FADS2: variants seen among roughly 807,000 people sequenced by gnomAD.
FADS2 encodes the protein fatty acid desaturase 2, also known as acyl-CoA 6-desaturase.
Under a neutral mutation model 61.2 loss-of-function variants are expected in FADS2, and 18 were observed. The ratio of observed to expected loss-of-function variants is 0.29; its 90% CI spans 0.20 to 0.44. FADS2 has a LOEUF of 0.44. Among genes scored for constraint, FADS2 ranks in the 20% least tolerant of loss-of-function variants. FADS2 has a pLI of 1.00. For synonymous variants in FADS2, 203 were observed against 223.9 expected (o/e 0.91, Z 0.83); for missense variants, 322 against 572.7 (o/e 0.56, Z 4.47).
chr11:61,856,211 T>G (rs899615152), intron 5 of FADS2: 4 of 152,172 alleles, frequency 2.6e-5, no homozygotes, highest in African/African-American at 4.8e-5. Context: ...AGGGATCCCC[T>G]GGGGCCGTGG....
At chr11:61,820,662 G>T (rs1180775271) in intron 1 of FADS2, among the ~76,000 whole-genome samples, 5 of 152,172 alleles carry the variant, frequency 3.3e-5, no homozygotes, top group Admixed American at 2.6e-4. Context: ...CACTTTGGGA[G>T]GGTGAGGAGG....
At chr11:61,821,075 A>G (rs892811919) in intron 1 of FADS2, among the ~76,000 whole-genome samples, 6 of 152,218 alleles carry the variant, frequency 3.9e-5, no homozygotes, top group African/African-American at 1.2e-4. Context: ...GGTCAACTAA[A>G]GGAAACCTTT....
Position 61,848,254 on chromosome 11 carries a change from G to C in FADS2, c.714G>C (p.Val238=), listed in dbSNP as rs1258036120. 1 of 1,614,096 alleles carries C rather than the reference G, an allele frequency of 6.2e-7. No homozygotes were observed. The highest frequency in any genetic ancestry group is 1.7e-5 in the Admixed American group (1 of 60,004). The change falls in exon 5 of 12, where the codon GTG becomes GTC. Residue 238 remains valine (V), a synonymous_variant. Coordinates refer to ENST00000278840, the MANE Select transcript of FADS2 (RefSeq NM_004265.4). ...ATCCCGATGTGAACATGCTGCACGTGTTTGTTCTGGGCGAATGGCAGCCCA... is the reference window on the plus strand; with the variant it reads ...ATCCCGATGTGAACATGCTGCACGTCTTTGTTCTGGGCGAATGGCAGCCCA... ...HKDPDVNMLH[V]FVLGEWQPIE...
At chr11:61,829,810 G>A (rs939327579) in intron 1 of FADS2, among the ~76,000 whole-genome samples, 2 of 152,154 alleles carry the variant, frequency 1.3e-5, no homozygotes, top group African/African-American at 4.8e-5. Flanking sequence ...AGCTGTGTAG[G>A]CCCGACCCTT....
Position 61,851,188 on chromosome 11 carries a change from C to G in FADS2, c.744+2904C>G, listed in dbSNP as rs114768846. Reference sequence around the variant, plus strand: ...TAAGTGGGGACAAAGGCTTCATTTTCTCGGCGAGGCTTTGTAATGTAGAGC... The same window carrying G: ...TAAGTGGGGACAAAGGCTTCATTTTGTCGGCGAGGCTTTGTAATGTAGAGC... On this transcript the variant is annotated intron_variant, in intron 5 of 11. Transcript: ENST00000278840. 7.3e-4 allele frequency among the ~76,000 whole-genome samples: 111 copies of G among 152,308 alleles called. 1 individual carries two copies. The highest frequency in any genetic ancestry group is 2.6e-3 in the African/African-American group (108 of 41,574).
chr11:61,857,056 G>A lies in FADS2; in HGVS notation c.790G>A (p.Glu264Lys), dbSNP rs1223411969. The A allele has an allele frequency of 1.9e-6, 3 of 1,613,938 alleles. No homozygotes were observed. The highest frequency in any genetic ancestry group is 2.2e-5 in the East Asian group (1 of 44,882). ...LKYLPYNHQH[E>K]YFFLIGPPLL... The stretch of plus-strand genomic sequence containing the variant: ...ATACCTGCCCTACAATCACCAGCAC[G>A]AATACTTCTTCCTGAGTGAGTGCTC... The change falls in exon 6 of 12, where the codon GAA becomes AAA. Residue 264 changes from glutamate to lysine, a missense_variant. Transcript: ENST00000278840.
At chr11:61,818,130 C>T (rs565537871) in intron 1 of FADS2, among the ~76,000 whole-genome samples, 2 of 152,138 alleles carry the variant, frequency 1.3e-5, no homozygotes, top group African/African-American at 4.8e-5. Flanking sequence ...ATTCTGAGCA[C>T]GTAGGAGTCA....
At chr11:61,825,215 A>G (rs925204932), upstream of FADS2, among the ~76,000 whole-genome samples, 1 of 152,172 alleles carries the variant, frequency 6.6e-6, no homozygotes, top group African/African-American at 2.4e-5. Flanking sequence ...TTATCTATTC[A>G]TTTGCTCAAC....
In FADS2 at chr11:61,866,117, T is replaced by A. The variant is rs768619914; in HGVS notation, c.*428T>A. The A allele has an allele frequency of 2.5e-6, 1 of 400,536 alleles. No individual in the cohort carries two copies. Among genetic ancestry groups the A allele is most frequent in the East Asian group, 3.5e-5 (1 of 28,346 alleles). 24.8% of individuals were successfully genotyped at this position (400,536 alleles called of 1,614,324 possible). A position where few individuals can be genotyped will look rare whatever the true frequency, so the allele number is the denominator to read the frequency against. On this transcript the variant is annotated 3_prime_UTR_variant, in exon 12 of 12. Transcript: ENST00000278840. The stretch of plus-strand genomic sequence containing the variant: ...GTTCTTCAGATGCTCTTGGGGTTCA[T>A]AGGGGCAGGTCCTAGTCGGGCAGGG...
At chr11:61,837,938 G>C in intron 2 of FADS2, 50 bp downstream of exon 2, 1 of 1,354,458 alleles carries the variant, frequency 7.4e-7, no homozygotes, top group Non-Finnish European at 1.0e-6. Flanking sequence ...GCTGGGGGTG[G>C]CTGGGAGTCT....
At chr11:61,817,266 T>C (rs909273477) in intron 1 of FADS2, 1 of 283,828 alleles carries the variant, frequency 3.5e-6, no homozygotes, top group African/African-American at 2.2e-5. Flanking sequence ...GGACATCATC[T>C]TTAGGCTGTG....
At chr11:61,845,804 A>T (rs2135965538) in intron 4 of FADS2, among the ~76,000 whole-genome samples, 1 of 144,848 alleles carries the variant, frequency 6.9e-6, no homozygotes, top group Non-Finnish European at 1.5e-5. Flanking sequence ...AAAAAAAAAA[A>T]TGGAAGAGAA....
chr11:61,857,151 T>A (rs1346537125), intron 6 of FADS2, 80 bp downstream of exon 6: 5 of 1,213,626 alleles, frequency 4.1e-6, no homozygotes, highest in Non-Finnish European at 6.1e-6. Context: ...CTACCTGACA[T>A]CTTTTTCAGA....
chr11:61,838,912 G>T (rs1658399058), intron 2 of FADS2, among the ~76,000 whole-genome samples: 1 of 151,980 alleles, frequency 6.6e-6, no homozygotes, highest in Non-Finnish European at 1.5e-5. Context: ...TTGCTCCTTG[G>T]CTCTCTCCAC....
In FADS2 at chr11:61,865,765, T is replaced by C; in HGVS notation, c.*76T>C. ...CCAGAGGAATGATGGGCTTTTGTTC[T>C]GAGGGGTGTCCGAGAGGCTGGTGTA... On this transcript the variant is annotated 3_prime_UTR_variant, in exon 12 of 12. Transcript: ENST00000278840. The surrounding 1 kb of genome is among the most constrained non-coding windows in gnomAD (Gnocchi z 4.1). The C allele has an allele frequency of 1.5e-6, 2 of 1,311,948 alleles. No individual in the cohort carries two copies. Among genetic ancestry groups the C allele is most frequent in the Non-Finnish European group, 1.1e-6 (1 of 924,522 alleles). 81.3% of individuals were successfully genotyped at this position (1,311,948 alleles called of 1,614,324 possible). A position where few individuals can be genotyped will look rare whatever the true frequency, so the allele number is the denominator to read the frequency against.
intron 5 of FADS2, among the ~76,000 whole-genome samples, chr11:61,853,982 G>A (rs569237998): frequency 1.3e-4 from 20 of 152,308 alleles, no homozygotes; most frequent in African/African-American, 4.3e-4. Context: ...TGGAGAGGCC[G>A]AGGACAGGAG....
chr11:61,863,991 G>A (rs2067440329), intron 10 of FADS2: 4 of 547,672 alleles, frequency 7.3e-6, no homozygotes, highest in Admixed American at 3.0e-5. Context: ...GTCATCCTGT[G>A]CCCCTCATGC....
intron 2 of FADS2, among the ~76,000 whole-genome samples, chr11:61,839,113 T>C (rs1343488129): frequency 4.0e-5 from 6 of 151,856 alleles, no homozygotes; most frequent in Non-Finnish European, 7.4e-5. Context: ...GCAATGCCAT[T>C]GTGTTCCCAG....
chr11:61,857,386 G>A, intron 6 of FADS2, 68 bp from the exon 7 acceptor site: 3 of 1,441,780 alleles, frequency 2.1e-6, no homozygotes, highest in Non-Finnish European at 2.9e-6. Context: ...CTGGGCCTGG[G>A]TTCCCCTGAC....
Sources: allele counts gnomAD v4.1 joint callset (sites outside exome capture counted in the v4.1 genomes callset), GRCh38; gene constraint gnomAD v4.1.1; non-coding constraint Gnocchi (gnomAD v3.1); transcripts MANE v1.5; gene names NCBI Gene and HGNC (gene_info 2026-07-23, HGNC 2026-07-21).